ZNF420: variants seen among roughly 807,000 people sequenced by gnomAD.
The protein encoded by ZNF420 is zinc finger protein 420.
ZNF420 carries 31 observed loss-of-function variants against 44.7 expected under a neutral mutation model. That is an observed-to-expected ratio of 0.69 (90% CI 0.52 to 0.94). The LOEUF is 0.94. ZNF420 is among the 40% of genes least tolerant of loss of function. The pLI is 0.00. For synonymous variants in ZNF420, 245 were observed against 267.4 expected, an observed-to-expected ratio of 0.92 and a Z score of 0.82; for missense variants, 681 against 827.9, an observed-to-expected ratio of 0.82 and a Z score of 2.18.
chr19:37,118,856 A>T (rs1411789105), intron 4 of ZNF420, among the ~76,000 whole-genome samples: 2 of 152,064 alleles, frequency 1.3e-5, no homozygotes, highest in African/African-American at 4.8e-5. Context: ...ACCAACAAAG[A>T]TCAAAAGAGA....
chr19:37,041,988 T>C (rs1003408385), intron 1 of ZNF420, among the ~76,000 whole-genome samples: 1 of 152,166 alleles, frequency 6.6e-6, no homozygotes, highest in Non-Finnish European at 1.5e-5. Context: ...ATTTTCTTTT[T>C]TCTTTTATTT....
At chr19:37,123,724 T>A (rs929912390) in intron 4 of ZNF420, among the ~76,000 whole-genome samples, 3 of 146,260 alleles carry the variant, frequency 2.1e-5, no homozygotes, top group Admixed American at 1.4e-4. Flanking sequence ...TGCCTCAGCC[T>A]CCCGAGTAGC....
intron 1 of ZNF420, among the ~76,000 whole-genome samples, chr19:37,012,621 G>A (rs1485771732): frequency 6.6e-6 from 1 of 152,194 alleles, no homozygotes; most frequent in Non-Finnish European, 1.5e-5. Flanking sequence ...CCAGAAAGTC[G>A]TGCACCCCCG....
At chr19:37,023,785 TACAA>T (rs1417406346) in intron 1 of ZNF420, among the ~76,000 whole-genome samples, 1 of 152,162 alleles carries the variant, frequency 6.6e-6, no homozygotes, top group Non-Finnish European at 1.5e-5. Flanking sequence ...TTCACACCGG[TACAA>T]ACAAATTGAT....
At chr19:37,049,064 G>A (rs1337389225) in intron 1 of ZNF420, among the ~76,000 whole-genome samples, 6 of 152,058 alleles carry the variant, frequency 3.9e-5, no homozygotes, top group Non-Finnish European at 7.4e-5. Flanking sequence ...TTTTATGGCT[G>A]CATAGTATTC....
intron 4 of ZNF420, among the ~76,000 whole-genome samples, chr19:37,101,613 C>G (rs896844090): frequency 6.6e-6 from 1 of 152,254 alleles, no homozygotes; most frequent in Non-Finnish European, 1.5e-5. Context: ...TCCCTTGAGC[C>G]TGTAACCACT....
Position 37,128,951 on chromosome 19 carries a change from CGTG to C in ZNF420, c.1963_1965del (p.Gly655del). 6.2e-7 allele frequency: 1 copy of C among 1,614,070 alleles called. No homozygotes were observed. Among genetic ancestry groups the C allele is most frequent in the Non-Finnish European group, 8.5e-7 (1 of 1,179,974 alleles). On this transcript the variant is annotated inframe_deletion, in exon 5 of 5. Coordinates refer to ENST00000337995, the MANE Select transcript of ZNF420 (RefSeq NM_144689.5). The stretch of plus-strand genomic sequence containing the variant: ...TAAGGAATGTGGGAAGGCCTTTACT[CGTG>C]GTTCACAGCTAACTCAACATCAGAG...
Position 37,129,320 on chromosome 19 carries a change from C to A in ZNF420, c.*262C>A. The A allele has an allele frequency of 2.4e-6, 1 of 422,474 alleles. No individual in the cohort carries two copies. The highest frequency in any genetic ancestry group is 4.2e-6 in the Non-Finnish European group (1 of 237,406). 26.2% of individuals were successfully genotyped at this position (422,474 alleles called of 1,614,324 possible). A position where few individuals can be genotyped will look rare whatever the true frequency, so the allele number is the denominator to read the frequency against. On this transcript the variant is annotated 3_prime_UTR_variant, in exon 5 of 5. Coordinates refer to ENST00000337995, the MANE Select transcript of ZNF420 (RefSeq NM_144689.5). Reference sequence around the variant, plus strand: ...TATTGAAAACAAATATCTTTTTCAACGTTATCTTAGCTCTACTAGTTGATC... The same window carrying A: ...TATTGAAAACAAATATCTTTTTCAAAGTTATCTTAGCTCTACTAGTTGATC...
In ZNF420 at chr19:37,127,346, ATT is replaced by A; in HGVS notation, c.358_359del (p.Phe120GlnfsTer16). The A allele has an allele frequency of 6.2e-7, 1 of 1,611,234 alleles. No homozygotes were observed. ...QGMIIYDKMS[I>X]FNQHTYLSQH... ...GATGATCATATATGACAAAATGTCC[ATT>A]TTCAACCAGCATACTTACTTATCTC... On this transcript the variant is annotated frameshift_variant, in exon 5 of 5. Coordinates refer to ENST00000337995, the MANE Select transcript of ZNF420 (RefSeq NM_144689.5). LOFTEE classifies it low-confidence loss of function (END_TRUNC).
At chr19:37,106,098 C>T (rs7258650) in intron 4 of ZNF420, among the ~76,000 whole-genome samples, 71,112 of 151,784 alleles carry the variant, frequency 0.47, 17,063 homozygotes, top group Middle Eastern at 0.53. Context: ...GAGGGCATCC[C>T]TGTCTTGTAA....
chr19:37,126,954 CTG>C (rs1325446428), intron 4 of ZNF420, among the ~76,000 whole-genome samples, 172 bp from the exon 5 acceptor site: 1 of 151,014 alleles, frequency 6.6e-6, no homozygotes, highest in Non-Finnish European at 1.5e-5. Context: ...TTTTATGAAA[CTG>C]TATATATATA....
chr19:37,050,196 C>A lies in ZNF420; in HGVS notation c.-124-30149C>A, dbSNP rs558739119. 2.2e-3 allele frequency among the ~76,000 whole-genome samples: 341 copies of A among 152,200 alleles called. 1 individual carries two copies. The highest frequency in any genetic ancestry group is 7.9e-3 in the African/African-American group (328 of 41,522). ...TTGGCTTAGGATTGACTTGGCAATGCGGGCTCTTTTTTGGTTCCATATGAA... is the reference window on the plus strand; with the variant it reads ...TTGGCTTAGGATTGACTTGGCAATGAGGGCTCTTTTTTGGTTCCATATGAA... On this transcript the variant is annotated intron_variant, in intron 1 of 4. Coordinates refer to the ZNF420 transcript ENST00000587029.
At chr19:37,015,596 T>A (rs1056280001) in intron 1 of ZNF420, among the ~76,000 whole-genome samples, 1 of 152,050 alleles carries the variant, frequency 6.6e-6, no homozygotes, top group Non-Finnish European at 1.5e-5. Context: ...TGTGTAGAAA[T>A]AAGGTGAGAC....
chr19:37,022,718 A>T (rs1258629646), intron 1 of ZNF420, among the ~76,000 whole-genome samples: 1 of 152,200 alleles, frequency 6.6e-6, no homozygotes, highest in Non-Finnish European at 1.5e-5. Context: ...GTATTAACTC[A>T]TGTAATACAG....
chr19:37,022,796 A>G (rs181721729), intron 1 of ZNF420, among the ~76,000 whole-genome samples: 180 of 152,302 alleles, frequency 1.2e-3, no homozygotes, highest in African/African-American at 4.1e-3. Flanking sequence ...ATTATCCCCA[A>G]TATCATATTG....
At chr19:37,058,400 T>G (rs1599623643) in intron 1 of ZNF420, among the ~76,000 whole-genome samples, 1 of 152,164 alleles carries the variant, frequency 6.6e-6, no homozygotes, top group East Asian at 1.9e-4. Context: ...TCCTGTCTTA[T>G]TATTGAGAGA....
chr19:37,010,023 C>T (rs540522338), intron 1 of ZNF420, among the ~76,000 whole-genome samples: 2 of 152,308 alleles, frequency 1.3e-5, no homozygotes, highest in Non-Finnish European at 2.9e-5. Flanking sequence ...TTCGAGGGGG[C>T]CTCAGCCTGA....
intron 1 of ZNF420, among the ~76,000 whole-genome samples, chr19:37,018,382 T>G (rs2562586): frequency 0.024 from 3,672 of 152,202 alleles, 159 homozygotes; most frequent in African/African-American, 0.083. Context: ...AAAATCACAC[T>G]TTCTGATTTC....
At chr19:37,084,653 G>A (rs1296062437) in intron 2 of ZNF420, among the ~76,000 whole-genome samples, 1 of 151,928 alleles carries the variant, frequency 6.6e-6, no homozygotes, top group African/African-American at 2.4e-5. Context: ...AGCCATCTGG[G>A]CCTTCTCTGT....
Sources: allele counts gnomAD v4.1 joint callset (sites outside exome capture counted in the v4.1 genomes callset), GRCh38; gene constraint gnomAD v4.1.1; transcripts MANE v1.5; gene names NCBI Gene and HGNC (gene_info 2026-07-23, HGNC 2026-07-21).